CYP7A1: variants seen among roughly 807,000 people sequenced by gnomAD.
CYP7A1 encodes cytochrome P450 7A1.
CYP7A1 carries 28 observed loss-of-function variants against 43.8 expected under a neutral mutation model. The ratio of observed to expected loss-of-function variants is 0.64; its 90% CI spans 0.47 to 0.88. CYP7A1 has a LOEUF of 0.88. Among genes scored for constraint, CYP7A1 ranks in the 40% least tolerant of loss-of-function variants. The probability of loss-of-function intolerance (pLI) is 0.00; values close to 1 mark genes in which losing one functional copy is unlikely to be tolerated. For synonymous variants in CYP7A1, 227 were observed against 222.5 expected, an observed-to-expected ratio of 1.02 and a Z score of -0.18; for missense variants, 637 against 611.9, an observed-to-expected ratio of 1.04 and a Z score of -0.43.
chr8:58,496,893 C>T lies in CYP7A1; in HGVS notation c.619G>A (p.Asp207Asn). ...ACTTTGTCGAATTGCTTGAAGTTGT[C>T]AAGATTGTTTAGAATATGTGCTTTC... Reference protein sequence around the residue: ...TQKAHILNNLDNFKQFDKVFP... With the variant: ...TQKAHILNNLNNFKQFDKVFP... Residue 207 changes from aspartate to asparagine, a missense_variant, in exon 3 of 6, where the codon GAC becomes AAC. Asp to Asn is a conservative substitution (Grantham distance 23, BLOSUM62 1). Transcript: ENST00000301645. 6.2e-7 allele frequency: 1 copy of T among 1,614,190 alleles called. No homozygotes were observed. Among genetic ancestry groups the T allele is most frequent in the Non-Finnish European group, 8.5e-7 (1 of 1,180,030 alleles).
At chr8:58,498,202 A>G (rs746430425) in intron 2 of CYP7A1, 27 bp downstream of exon 2, 1 of 1,612,942 alleles carries the variant, frequency 6.2e-7, no homozygotes. Flanking sequence ...GACAAACAGA[A>G]TGGTATATAA....
chr8:58,495,929 C>T (rs1007249808), intron 3 of CYP7A1, among the ~76,000 whole-genome samples: 4 of 152,168 alleles, frequency 2.6e-5, no homozygotes, highest in African/African-American at 9.7e-5. Flanking sequence ...TGGAATAATT[C>T]AATAGACCAT....
rs772557610 is a variant in CYP7A1, at chr8:58,492,423, C to T, written c.1145G>A (p.Arg382Gln). ...GTAAAGAGCTATGATGTCATCTTTT[C>T]GGATGTTGTAGGAACCGTCCTCAAG... ...LHLEDGSYNI[R>Q]KDDIIALYPQ... The change falls in exon 5 of 6, where the codon CGA becomes CAA. Residue 382 changes from arginine to glutamine, a missense_variant. Physicochemically the swap from Arg to Gln is conservative, Grantham distance 43. Transcript: ENST00000301645. The T allele has an allele frequency of 9.3e-6, 15 of 1,613,846 alleles. No individual in the cohort carries two copies. In the African/African-American group the frequency reaches 1.2e-4, roughly 13 times the overall value.
chr8:58,491,836 T>A, intron 5 of CYP7A1, 62 bp from the exon 6 acceptor site: 1 of 1,389,094 alleles, frequency 7.2e-7, no homozygotes, highest in Non-Finnish European at 1.0e-6. Context: ...TATCTCTTTC[T>A]AAACCTGGAA....
At position 58,497,058 on chromosome 8, in the gene CYP7A1, T is replaced by A; in HGVS notation, c.454A>T (p.Ile152Phe). The A allele has an allele frequency of 6.2e-7, 1 of 1,605,390 alleles. No homozygotes were observed. The highest frequency in any genetic ancestry group is 8.5e-7 in the Non-Finnish European group (1 of 1,179,978). The part of the protein sequence containing the change: ...TESMMENLQR[I>F]MRPPVSSNSK... Reference sequence around the variant, plus strand: ...TTAGAGGAGACTGGAGGTCTCATGATACGTTGGAGGTTTTCCATCATGCTT... The same window carrying A: ...TTAGAGGAGACTGGAGGTCTCATGAAACGTTGGAGGTTTTCCATCATGCTT... The change falls in exon 3 of 6, where the codon ATC becomes TTC. Residue 152 changes from isoleucine (I) to phenylalanine (F), a missense_variant. Coordinates refer to ENST00000301645, the MANE Select transcript of CYP7A1 (RefSeq NM_000780.4).
At chr8:58,492,095 G>GA (rs8192876) in intron 5 of CYP7A1, among the ~76,000 whole-genome samples, 7 of 150,578 alleles carry the variant, frequency 4.6e-5, no homozygotes, top group African/African-American at 7.3e-5. Flanking sequence ...TGCTTTTTAA[G>GA]AAAAAAAAAG....
intron 4 of CYP7A1, 45 bp from the exon 5 acceptor site, chr8:58,492,573 G>C: frequency 3.3e-6 from 5 of 1,503,838 alleles, no homozygotes; most frequent in African/African-American, 1.4e-5. Context: ...AAAGAAGGAA[G>C]GGAGGAAGGA....
intron 1 of CYP7A1, 66 bp from the exon 2 acceptor site, chr8:58,498,535 T>G (rs1809484201): frequency 1.3e-6 from 2 of 1,588,128 alleles, no homozygotes; most frequent in Non-Finnish European, 1.7e-6. Flanking sequence ...TACATCAGGT[T>G]TTAAAATTTT....
At position 58,491,634 on chromosome 8, in the gene CYP7A1, G is replaced by A. The variant is rs964395133; in HGVS notation, c.1356C>T (p.His452=). The A allele has an allele frequency of 6.2e-6, 10 of 1,614,038 alleles. No homozygotes were observed. The highest frequency in any genetic ancestry group is 3.3e-5 in the South Asian group (3 of 91,088). The part of the protein sequence containing the change: ...TICPGRLFAI[H]EIKQFLILML... ...TCAGAATCAAAAATTGCTTGATTTC[G>A]TGGATAGCGAACAATCTTCCAGGAC... The change falls in exon 6 of 6, where the codon CAC becomes CAT. Residue 452 remains histidine, a synonymous_variant. Transcript: ENST00000301645.
chr8:58,497,315 T>G, intron 2 of CYP7A1, 125 bp from the exon 3 acceptor site: 1 of 828,724 alleles, frequency 1.2e-6, no homozygotes, highest in Non-Finnish European at 2.0e-6. Context: ...TGGCTTTCCC[T>G]TGTACAAGTT....
rs780802349 is a variant in CYP7A1 at position 58,494,224 on chromosome 8, G to A, written c.1039+282C>T. 8.6e-5 allele frequency among the ~76,000 whole-genome samples: 13 copies of A among 152,010 alleles called. No homozygotes were observed. In the East Asian group the frequency reaches 2.1e-3, roughly 25 times the overall value. ...GTAAGAGGAATATGAGAAACATGGT[G>A]TGGCAGTGCAGGGTGGTAGTTGAGA... On this transcript the variant is annotated intron_variant, in intron 4 of 5. Coordinates refer to ENST00000301645, the MANE Select transcript of CYP7A1 (RefSeq NM_000780.4).
chr8:58,493,356 A>G (rs1433309516), intron 4 of CYP7A1, among the ~76,000 whole-genome samples: 1 of 152,186 alleles, frequency 6.6e-6, no homozygotes, highest in Non-Finnish European at 1.5e-5. Flanking sequence ...ACAAGAACCT[A>G]TTTTTATCCA....
rs1809336947 is a variant in CYP7A1 at position 58,490,737 on chromosome 8, G to C, written c.*738C>G. 6.6e-6 allele frequency: 1 copy of C among 152,162 alleles called. No homozygotes were observed. The highest frequency in any genetic ancestry group is 2.4e-5 in the African/African-American group (1 of 41,436). 9.4% of individuals were successfully genotyped at this position (152,162 alleles called of 1,614,324 possible). On this transcript the variant is annotated 3_prime_UTR_variant, in exon 6 of 6. Coordinates refer to ENST00000301645, the MANE Select transcript of CYP7A1 (RefSeq NM_000780.4). ...ATAAAACCACCTTTAGTGTTTTTGGGAAATCAAGATAATCATGTTTAAAGC... is the reference window on the plus strand; with the variant it reads ...ATAAAACCACCTTTAGTGTTTTTGGCAAATCAAGATAATCATGTTTAAAGC...
Position 58,491,407 on chromosome 8 carries a change from G to C in CYP7A1, c.*68C>G, listed in dbSNP as rs1055417207. On this transcript the variant is annotated 3_prime_UTR_variant, in exon 6 of 6. Transcript: ENST00000301645. ...ACCACTAAATGCATTTGTCCAAAGG[G>C]ACTGTGTGGTGAGGGTGTTCTGCAG... 2.4e-5 allele frequency: 34 copies of C among 1,395,696 alleles called. No individual in the cohort carries two copies. In the South Asian group the frequency reaches 3.4e-4, roughly 14 times the overall value. 86.5% of individuals were successfully genotyped at this position (1,395,696 alleles called of 1,614,324 possible).
At chr8:58,493,335 G>T (rs886354483) in intron 4 of CYP7A1, among the ~76,000 whole-genome samples, 1 of 152,196 alleles carries the variant, frequency 6.6e-6, no homozygotes, top group Non-Finnish European at 1.5e-5. Context: ...TGCAGCTTCA[G>T]TTCAACATTT....
rs1809334589 is a variant in CYP7A1, at chr8:58,490,579, T to C, written c.*896A>G. ...TTCAGTGATAATGTGTATTTAACAATGACAGAAAAACTACCTTTTTTAATC... is the reference window on the plus strand; with the variant it reads ...TTCAGTGATAATGTGTATTTAACAACGACAGAAAAACTACCTTTTTTAATC... On this transcript the variant is annotated 3_prime_UTR_variant, in exon 6 of 6. Coordinates refer to ENST00000301645, the MANE Select transcript of CYP7A1 (RefSeq NM_000780.4). 6.6e-6 allele frequency: 1 copy of C among 152,204 alleles called. No homozygotes were observed. The highest frequency in any genetic ancestry group is 2.1e-4 in the South Asian group (1 of 4,834). The allele number at this position is 152,204 out of a possible 1,614,324, so 9.4% of individuals were successfully genotyped here.
At chr8:58,492,713 T>C (rs1165396448) in intron 4 of CYP7A1, among the ~76,000 whole-genome samples, 185 bp from the exon 5 acceptor site, 3 of 152,188 alleles carry the variant, frequency 2.0e-5, no homozygotes, top group African/African-American at 7.2e-5. Flanking sequence ...CCAAACTTTC[T>C]TTCTGTTACC....
At position 58,496,882 on chromosome 8, in the gene CYP7A1, C is replaced by T. The variant is rs1213704726; in HGVS notation, c.630G>A (p.Lys210=). Reference sequence around the variant, plus strand: ...GGGCTGGAAAGACTTTGTCGAATTGCTTGAAGTTGTCAAGATTGTTTAGAA... The same window carrying T: ...GGGCTGGAAAGACTTTGTCGAATTGTTTGAAGTTGTCAAGATTGTTTAGAA... ...AHILNNLDNF[K]QFDKVFPALV... The change falls in exon 3 of 6, where the codon AAG becomes AAA. Residue 210 remains lysine, a synonymous_variant. Transcript: ENST00000301645. 19 of 1,614,216 alleles carry T rather than the reference C, an allele frequency of 1.2e-5. No individual in the cohort carries two copies. Among genetic ancestry groups the T allele is most frequent in the Middle Eastern group, 1.6e-4 (1 of 6,062 alleles).
Position 58,497,160 on chromosome 8 carries a change from C to G in CYP7A1, c.352G>C (p.Asp118His). 1 of 1,598,450 alleles carries G rather than the reference C, an allele frequency of 6.3e-7. No homozygotes were observed. Among genetic ancestry groups the G allele is most frequent in the East Asian group, 2.2e-5 (1 of 44,784 alleles). Reference protein sequence around the residue: ...AFGHRSIDPMDGNTTENINDT... With the variant: ...AFGHRSIDPMHGNTTENINDT... ...TTTATGTTTTCAGTGGTATTTCCAT[C>G]CATCGGGTCAATGCTTCTGTGCCCA... Residue 118 changes from aspartate to histidine, a missense_variant, in exon 3 of 6, where the codon GAT becomes CAT. Asp to His is a moderately conservative substitution (Grantham distance 81, BLOSUM62 -1). Transcript: ENST00000301645.
Sources: allele counts gnomAD v4.1 joint callset (sites outside exome capture counted in the v4.1 genomes callset), GRCh38; gene constraint gnomAD v4.1.1; transcripts MANE v1.5; gene names NCBI Gene and HGNC (gene_info 2026-07-23, HGNC 2026-07-21).